The following IQCH variants were observed in gnomAD, a reference collection of about 807,000 sequenced individuals.
IQCH encodes IQ motif containing H.
A neutral mutation model predicts 117.0 loss-of-function variants in IQCH; 98 were observed. The observed-to-expected ratio is 0.84, with a 90% CI of 0.71 to 0.99. The LOEUF is 0.99. Ranked by LOEUF, IQCH falls within the 50% of genes least tolerant of loss-of-function variation. IQCH has a pLI of 0.00. For synonymous variants in IQCH, 412 were observed against 448.2 expected (o/e 0.92, Z 1.02); for missense variants, 1,102 against 1,243.8 (o/e 0.89, Z 1.72).
chr15:67,354,366 G>GA lies in IQCH; in HGVS notation c.638-2970dup, dbSNP rs541630922. On this transcript the variant is annotated intron_variant, in intron 6 of 20. Coordinates refer to ENST00000335894, the MANE Select transcript of IQCH (RefSeq NM_001031715.3). ...CTCATGGTCTCAATATATACCAAAA[G>GA]AAAAAAAAATCATTCAATACTATTC... is the stretch of plus-strand genomic sequence containing the variant. Among the ~76,000 whole-genome samples the GA allele has an allele frequency of 3.1e-4, 46 of 150,670 alleles. 1 individual carries two copies. The South Asian group carries it at 4.4e-3, about 14-fold the overall frequency.
intron 3 of IQCH, among the ~76,000 whole-genome samples, chr15:67,265,445 T>G (rs1312431517): frequency 6.6e-6 from 1 of 152,164 alleles, no homozygotes; most frequent in African/African-American, 2.4e-5. Context: ...CCTGTCAAGT[T>G]TGTATGGGCC....
chr15:67,426,521 C>G lies in IQCH; in HGVS notation c.2505+4944C>G, dbSNP rs2081893608. Among the ~76,000 whole-genome samples the G allele has an allele frequency of 2.7e-5, 4 of 150,676 alleles. No individual in the cohort carries two copies. The South Asian group carries it at 8.4e-4, about 32-fold the overall frequency. Reference sequence around the variant, plus strand: ...ATGTATCAAAATAGCACATGTATGGCCAAAATATATATAACTATTACATAT... The same window carrying G: ...ATGTATCAAAATAGCACATGTATGGGCAAAATATATATAACTATTACATAT... On this transcript the variant is annotated intron_variant, in intron 16 of 20. Transcript: ENST00000335894. The surrounding 1 kb of genome is among the most constrained non-coding windows in gnomAD (Gnocchi z 5.1).
At chr15:67,450,831 C>T (rs1383684211) in intron 16 of IQCH, among the ~76,000 whole-genome samples, 7 of 152,138 alleles carry the variant, frequency 4.6e-5, no homozygotes, top group Non-Finnish European at 1.0e-4. Flanking sequence ...TGGTAGAATT[C>T]GGCTGTGAAT....
At chr15:67,358,863 C>T (rs72745468) in intron 7 of IQCH, among the ~76,000 whole-genome samples, 4 of 152,368 alleles carry the variant, frequency 2.6e-5, no homozygotes, top group Non-Finnish European at 4.4e-5. Context: ...ACTGTAATAT[C>T]AGCACTGGTG....
At chr15:67,310,109 A>G (rs1272661383) in intron 4 of IQCH, among the ~76,000 whole-genome samples, 1 of 95,976 alleles carries the variant, frequency 1.0e-5, no homozygotes, top group Non-Finnish European at 2.5e-5. Context: ...ATAGGATTTA[A>G]TGTTCATTTT....
In IQCH at chr15:67,417,992, C is replaced by A. The variant is rs2081619238; in HGVS notation, c.2218+941C>A. ...GAGCTTAGATAGTGCTTATTATGGGCCAGGCACTCTTCTAAGTATATCTAT... is the reference window on the plus strand; with the variant it reads ...GAGCTTAGATAGTGCTTATTATGGGACAGGCACTCTTCTAAGTATATCTAT... On this transcript the variant is annotated intron_variant, in intron 15 of 20. Transcript: ENST00000335894. The surrounding 1 kb of genome is among the most constrained non-coding windows in gnomAD (Gnocchi z 4.3). 6.6e-6 allele frequency among the ~76,000 whole-genome samples: 1 copy of A among 152,128 alleles called. No individual in the cohort carries two copies. The highest frequency in any genetic ancestry group is 6.5e-5 in the Admixed American group (1 of 15,280).
intron 4 of IQCH, among the ~76,000 whole-genome samples, chr15:67,296,615 C>A (rs930876047): frequency 2.0e-5 from 3 of 152,046 alleles, no homozygotes; most frequent in Middle Eastern, 3.2e-3. Context: ...AAGCATGGAC[C>A]AAGCAGTGCC....
chr15:67,442,494 T>TG (rs1386940379), intron 16 of IQCH, among the ~76,000 whole-genome samples: 2 of 151,866 alleles, frequency 1.3e-5, no homozygotes, highest in African/African-American at 4.8e-5. Context: ...ACCTTACTCC[T>TG]GCAAGAATGG....
chr15:67,350,314 A>G (rs557372625), intron 6 of IQCH, among the ~76,000 whole-genome samples: 65 of 152,354 alleles, frequency 4.3e-4, no homozygotes, highest in African/African-American at 1.5e-3. Context: ...TTTTTAGAAA[A>G]TGAAACAATG....
At chr15:67,287,912 T>A (rs1189727699) in intron 4 of IQCH, among the ~76,000 whole-genome samples, 1 of 152,066 alleles carries the variant, frequency 6.6e-6, no homozygotes, top group Non-Finnish European at 1.5e-5. Flanking sequence ...TTGCCTTCAC[T>A]ATATCCCACA....
chr15:67,279,306 C>A, intron 3 of IQCH, 89 bp from the exon 4 acceptor site: 3 of 686,344 alleles, frequency 4.4e-6, no homozygotes, highest in East Asian at 2.9e-5. Context: ...AAAATATAAG[C>A]TTAATTAGGA....
rs1234928151 is a variant in IQCH, at chr15:67,476,223, A to T, written c.2799+405A>T. Among the ~76,000 whole-genome samples the T allele has an allele frequency of 6.6e-6, 1 of 152,244 alleles. No homozygotes were observed. Among genetic ancestry groups the T allele is most frequent in the Non-Finnish European group, 1.5e-5 (1 of 68,036 alleles). The stretch of plus-strand genomic sequence containing the variant: ...AATATAGCACAAGCTAAATGGCTTG[A>T]GCCACAGAAGCGTATTTTCTCACTG... On this transcript the variant is annotated intron_variant, in intron 18 of 20. Coordinates refer to ENST00000335894, the MANE Select transcript of IQCH (RefSeq NM_001031715.3). The surrounding 1 kb of genome is among the most constrained non-coding windows in gnomAD (Gnocchi z 4.1).
At chr15:67,340,111 A>G (rs1215698531) in intron 5 of IQCH, among the ~76,000 whole-genome samples, 1 of 152,126 alleles carries the variant, frequency 6.6e-6, no homozygotes, top group Non-Finnish European at 1.5e-5. Flanking sequence ...TTGGCTCTAT[A>G]ACGCATCAAC....
chr15:67,259,387 G>A (rs1193072252), intron 1 of IQCH, among the ~76,000 whole-genome samples: 20 of 152,128 alleles, frequency 1.3e-4, no homozygotes, highest in Admixed American at 1.3e-3. Flanking sequence ...TTTAAGTAGG[G>A]TAATTCTTTT....
intron 16 of IQCH, among the ~76,000 whole-genome samples, chr15:67,439,449 C>T (rs1343035404): frequency 2.0e-5 from 3 of 152,092 alleles, no homozygotes; most frequent in Admixed American, 1.3e-4. Flanking sequence ...CCTACCTTAA[C>T]AAGACTGCAA....
Position 67,276,364 on chromosome 15 carries a change from C to T in IQCH, c.270-3031C>T, listed in dbSNP as rs577720080. Among the ~76,000 whole-genome samples the T allele has an allele frequency of 3.3e-5, 5 of 152,286 alleles. No individual in the cohort carries two copies. In the South Asian group the frequency reaches 6.2e-4, roughly 19 times the overall value. ...ACAAACTTTAAAAGACTCTGAAAGA[C>T]GGAGAGAAGAAGGCAGACCAGCTGA... On this transcript the variant is annotated intron_variant, in intron 3 of 20. Transcript: ENST00000335894.
At position 67,381,858 on chromosome 15, in the gene IQCH, G is replaced by A. The variant is rs1217017677; in HGVS notation, c.1373-3078G>A. On this transcript the variant is annotated intron_variant, in intron 10 of 20. Coordinates refer to ENST00000335894, the MANE Select transcript of IQCH (RefSeq NM_001031715.3). This position sits in a 1 kb window ranked among gnomAD's most constrained non-coding sequence, Gnocchi z 5.1. ...TAGCCAGGTGTGGTAGTGTGCACCA[G>A]TAGTCTCACCTAATTGAGAGGCTGA... is the stretch of plus-strand genomic sequence containing the variant. Among the ~76,000 whole-genome samples, 1 of 151,808 alleles carries A rather than the reference G, an allele frequency of 6.6e-6. No individual in the cohort carries two copies. Among genetic ancestry groups the A allele is most frequent in the Non-Finnish European group, 1.5e-5 (1 of 67,974 alleles).
intron 20 of IQCH, among the ~76,000 whole-genome samples, chr15:67,495,527 G>C (rs1226832833): frequency 6.6e-6 from 1 of 152,166 alleles, no homozygotes; most frequent in Non-Finnish European, 1.5e-5. Flanking sequence ...GTTCCTGCTA[G>C]CTAGTAGCAT....
At position 67,455,138 on chromosome 15, in the gene IQCH, A is replaced by AT. The variant is rs552922711; in HGVS notation, c.2506-9982dup. 4.5e-3 allele frequency among the ~76,000 whole-genome samples: 682 copies of AT among 152,110 alleles called. 6 individuals are homozygous for AT. The highest frequency in any genetic ancestry group is 0.016 in the African/African-American group (649 of 41,484). ...TCTCTTATCTGTGTTTTCAAGGAAG[A>AT]TTTTTTTCCCCTTGTGTTATTTTAT... On this transcript the variant is annotated intron_variant, in intron 16 of 20. Coordinates refer to ENST00000335894, the MANE Select transcript of IQCH (RefSeq NM_001031715.3).
Sources: allele counts gnomAD v4.1 joint callset (sites outside exome capture counted in the v4.1 genomes callset), GRCh38; gene constraint gnomAD v4.1.1; non-coding constraint Gnocchi (gnomAD v3.1); transcripts MANE v1.5; gene names NCBI Gene and HGNC (gene_info 2026-07-23, HGNC 2026-07-21).